Variants in KCND3 observed in about 807,000 individuals in gnomAD.
KCND3 encodes potassium voltage-gated channel subfamily D member 3, also known as A-type voltage-gated potassium channel KCND3.
In KCND3, 9 loss-of-function variants were observed where a neutral mutation model predicts 51.1. The observed-to-expected ratio is 0.18, with a 90% CI of 0.11 to 0.31. The LOEUF (loss-of-function observed/expected upper bound fraction) is 0.31. Among genes scored for constraint, KCND3 ranks in the 10% least tolerant of loss-of-function variants. KCND3 has a pLI of 1.00. For synonymous variants in KCND3, 349 were observed against 368.0 expected, an observed-to-expected ratio of 0.95 and a Z score of 0.59; for missense variants, 526 against 903.8, an observed-to-expected ratio of 0.58 and a Z score of 5.36.
At chr1:111,882,414 T>C (rs1243398459) in intron 2 of KCND3, among the ~76,000 whole-genome samples, 5 of 152,222 alleles carry the variant, frequency 3.3e-5, no homozygotes, top group Non-Finnish European at 2.9e-5. Context: ...CTGCTGCTGG[T>C]CTTCCCTGCC....
chr1:111,956,305 G>A (rs1008766923), intron 2 of KCND3, among the ~76,000 whole-genome samples: 3 of 152,110 alleles, frequency 2.0e-5, no homozygotes, highest in Non-Finnish European at 4.4e-5. Context: ...ACTTTGTGAG[G>A]GCATCAACGT....
intron 2 of KCND3, among the ~76,000 whole-genome samples, chr1:111,826,447 C>T (rs2101609140): frequency 6.6e-6 from 1 of 152,264 alleles, no homozygotes; most frequent in South Asian, 2.1e-4. Context: ...TTTCAACTTT[C>T]AGGTCTAGGA....
chr1:111,982,505 G>A lies in KCND3; in HGVS notation c.222C>T (p.Phe74=), dbSNP rs777452251. Residue 74 remains phenylalanine (F), a synonymous_variant, in exon 2 of 8, where the codon TTC becomes TTT. Transcript: ENST00000302127. This position sits in a 1 kb window ranked among gnomAD's most constrained non-coding sequence, Gnocchi z 8.5. ...AGTACTCCTTGGTGTCCTCGTTGAA[G>A]AAGAACTCCTTCTCCGTGCTGCCCA... The part of the protein sequence containing the change: ...TLLGSTEKEF[F]FNEDTKEYFF... The A allele has an allele frequency of 5.6e-6, 9 of 1,607,732 alleles. No individual in the cohort carries two copies. Among genetic ancestry groups the A allele is most frequent in the Non-Finnish European group, 7.7e-6 (9 of 1,175,030 alleles).
At chr1:111,933,515 A>C (rs1445161119) in intron 2 of KCND3, among the ~76,000 whole-genome samples, 1 of 152,180 alleles carries the variant, frequency 6.6e-6, no homozygotes, top group East Asian at 1.9e-4. Context: ...GCAGAAGAGC[A>C]TTCACGAAAT....
At chr1:111,801,351 C>T (rs543387665) in intron 2 of KCND3, among the ~76,000 whole-genome samples, 1 of 152,186 alleles carries the variant, frequency 6.6e-6, no homozygotes, top group Non-Finnish European at 1.5e-5. Context: ...GGTGGTGAAG[C>T]GTCAAAGTGG....
intron 2 of KCND3, among the ~76,000 whole-genome samples, chr1:111,936,814 T>A (rs1288543064): frequency 6.6e-6 from 1 of 152,260 alleles, no homozygotes; most frequent in Admixed American, 6.5e-5. Flanking sequence ...TTGGGGGCAC[T>A]GTCTCTCCAT....
At chr1:111,834,799 T>C (rs543177331) in intron 2 of KCND3, among the ~76,000 whole-genome samples, 16 of 152,354 alleles carry the variant, frequency 1.1e-4, no homozygotes, top group African/African-American at 3.8e-4. Context: ...CTGCAGATAG[T>C]TGAAGACAAC....
At chr1:111,915,132 G>A (rs577397674) in intron 2 of KCND3, among the ~76,000 whole-genome samples, 1 of 152,020 alleles carries the variant, frequency 6.6e-6, no homozygotes, top group Non-Finnish European at 1.5e-5. Context: ...TGGATAATAA[G>A]CCAGCAGCGG....
At chr1:111,987,891 A>G (rs1182351594) in intron 1 of KCND3, among the ~76,000 whole-genome samples, 1 of 152,188 alleles carries the variant, frequency 6.6e-6, no homozygotes, top group Non-Finnish European at 1.5e-5. Flanking sequence ...AAAACAGGTA[A>G]GCTCTGAAAT....
At chr1:111,866,579 A>AACACACACACACACACACACACACAC (rs771342858) in intron 2 of KCND3, among the ~76,000 whole-genome samples, 1 of 126,744 alleles carries the variant, frequency 7.9e-6, no homozygotes, top group Admixed American at 8.2e-5. Flanking sequence ...TGTTTCTTTA[A>AACACACACACACACACACACACACAC]ACACACACAC....
At chr1:111,923,532 G>A (rs556589081) in intron 2 of KCND3, among the ~76,000 whole-genome samples, 1 of 152,324 alleles carries the variant, frequency 6.6e-6, no homozygotes, top group African/African-American at 2.4e-5. Context: ...TAACCTGAAA[G>A]TTTATAGAAG....
chr1:111,905,085 A>T (rs1670583595), intron 2 of KCND3, among the ~76,000 whole-genome samples: 1 of 152,244 alleles, frequency 6.6e-6, no homozygotes, highest in Admixed American at 6.5e-5. Context: ...GTCCCGGCTC[A>T]TCAGAGCCTT....
chr1:111,982,731 A>T lies in KCND3; in HGVS notation c.-5T>A. 1.2e-6 allele frequency: 2 copies of T among 1,601,302 alleles called. No individual in the cohort carries two copies. The highest frequency in any genetic ancestry group is 2.2e-5 in the East Asian group (1 of 44,766). ...GGCCGCAACTCCGGCCGCCATGGTG[A>T]CTCCAGCTCTTGGGCCGGCAGCCGC... On this transcript the variant is annotated 5_prime_UTR_variant, in exon 2 of 8. Transcript: ENST00000302127. This position sits in a 1 kb window ranked among gnomAD's most constrained non-coding sequence, Gnocchi z 8.5.
intron 2 of KCND3, among the ~76,000 whole-genome samples, chr1:111,802,430 T>G (rs1050643448): frequency 3.9e-5 from 6 of 152,246 alleles, no homozygotes; most frequent in Non-Finnish European, 7.3e-5. Flanking sequence ...ACGTAGGCCT[T>G]GGAGTCAGAA....
intron 2 of KCND3, among the ~76,000 whole-genome samples, chr1:111,797,870 A>G (rs1363666367): frequency 6.7e-6 from 1 of 149,716 alleles, no homozygotes; most frequent in East Asian, 1.9e-4. Context: ...ATAGGAAAAA[A>G]TATTCATCTT....
chr1:111,792,525 C>T (rs1664881036), intron 2 of KCND3, among the ~76,000 whole-genome samples: 1 of 152,196 alleles, frequency 6.6e-6, no homozygotes, highest in Admixed American at 6.5e-5. Context: ...CTTCTCTCCA[C>T]CTCCGCTCAG....
Position 111,989,662 on chromosome 1 carries a change from G to C in KCND3, c.-230C>G, listed in dbSNP as rs1016685660. 5 of 148,522 alleles carry C rather than the reference G, an allele frequency of 3.4e-5. No homozygotes were observed. Among genetic ancestry groups the C allele is most frequent in the African/African-American group, 1.2e-4 (5 of 40,980 alleles). 9.2% of individuals were successfully genotyped at this position (148,522 alleles called of 1,614,324 possible). A position where few individuals can be genotyped will look rare whatever the true frequency, so the allele number is the denominator to read the frequency against. ...GGCTCCTCCTCGCCAGCGCAGTCTC[G>C]CTCGCTGCCTCCCTCGCTCGGTCGG... On this transcript the variant is annotated 5_prime_UTR_variant, in exon 1 of 8. Coordinates refer to ENST00000302127, the MANE Select transcript of KCND3 (RefSeq NM_001378969.1).
At chr1:111,778,327 G>T in intron 6 of KCND3, 109 bp downstream of exon 6, 1 of 1,015,754 alleles carries the variant, frequency 9.8e-7, no homozygotes, top group Admixed American at 1.7e-5. Context: ...AGCCCCAGAA[G>T]AATCAGCAGC....
rs904922242 is a variant in KCND3 at position 111,982,892 on chromosome 1, C to T, written c.-72-94G>A. On this transcript the variant is annotated intron_variant, in intron 1 of 7. Coordinates refer to ENST00000302127, the MANE Select transcript of KCND3 (RefSeq NM_001378969.1). This position sits in a 1 kb window ranked among gnomAD's most constrained non-coding sequence, Gnocchi z 8.5. Reference sequence around the variant, plus strand: ...AGGAAAGGATCACTGGTGAGTGAAACGGCCAAAGTCTCCAGGGCAGATTAA... The same window carrying T: ...AGGAAAGGATCACTGGTGAGTGAAATGGCCAAAGTCTCCAGGGCAGATTAA... 17 of 928,116 alleles carry T rather than the reference C, an allele frequency of 1.8e-5. No homozygotes were observed. The highest frequency in any genetic ancestry group is 2.8e-5 in the Non-Finnish European group (17 of 607,720). 57.5% of individuals were successfully genotyped at this position (928,116 alleles called of 1,614,324 possible).
Sources: allele counts gnomAD v4.1 joint callset (sites outside exome capture counted in the v4.1 genomes callset), GRCh38; gene constraint gnomAD v4.1.1; non-coding constraint Gnocchi (gnomAD v3.1); transcripts MANE v1.5; gene names NCBI Gene and HGNC (gene_info 2026-07-23, HGNC 2026-07-21).